ATG4C: variants seen among roughly 807,000 people sequenced by gnomAD.
ATG4C encodes the protein autophagy related 4C cysteine peptidase.
Under a neutral mutation model 57.6 loss-of-function variants are expected in ATG4C, and 56 were observed. The observed-to-expected ratio is 0.97, with a 90% CI of 0.78 to 1.21. ATG4C has a LOEUF of 1.21. Among genes scored for constraint, ATG4C ranks in the 50% most tolerant of loss-of-function variants. The pLI, the probability that ATG4C is intolerant of heterozygous loss-of-function variation, is 0.00. For synonymous variants in ATG4C, 157 were observed against 174.1 expected, an observed-to-expected ratio of 0.90 and a Z score of 0.78; for missense variants, 595 against 529.8, an observed-to-expected ratio of 1.12 and a Z score of -1.21.
At chr1:62,791,336 A>G (rs1012487738) in intron 1 of ATG4C, among the ~76,000 whole-genome samples, 20 of 152,240 alleles carry the variant, frequency 1.3e-4, no homozygotes, top group African/African-American at 4.6e-4. Flanking sequence ...TACTAGCTTC[A>G]GTAATATGGA....
chr1:62,824,456 C>T (rs752307348), intron 6 of ATG4C, among the ~76,000 whole-genome samples: 1 of 152,096 alleles, frequency 6.6e-6, no homozygotes, highest in African/African-American at 2.4e-5. Flanking sequence ...ATTTCCTATT[C>T]GGCTCTTCTG....
chr1:62,812,460 T>C (rs989555240), intron 3 of ATG4C, among the ~76,000 whole-genome samples: 4 of 152,184 alleles, frequency 2.6e-5, no homozygotes, highest in Non-Finnish European at 5.9e-5. Flanking sequence ...TAGGTATTGA[T>C]GGAATGTATC....
intron 10 of ATG4C, among the ~76,000 whole-genome samples, chr1:62,850,335 C>T (rs1666466332): frequency 6.6e-6 from 1 of 152,058 alleles, no homozygotes; most frequent in East Asian, 1.9e-4. Flanking sequence ...GCGGTAGCTC[C>T]CTAACTGATC....
intron 10 of ATG4C, among the ~76,000 whole-genome samples, chr1:62,845,122 T>G (rs957097450): frequency 6.6e-5 from 10 of 152,060 alleles, no homozygotes. Flanking sequence ...TTAGATATAC[T>G]AGATACATTA....
intron 10 of ATG4C, among the ~76,000 whole-genome samples, chr1:62,856,353 A>G (rs1019334330): frequency 6.6e-6 from 1 of 152,210 alleles, no homozygotes; most frequent in African/African-American, 2.4e-5. Context: ...TTGGGGAGAC[A>G]TGAAATGGAG....
At chr1:62,855,452 C>T (rs1452233351) in intron 10 of ATG4C, among the ~76,000 whole-genome samples, 1 of 151,820 alleles carries the variant, frequency 6.6e-6, no homozygotes, top group African/African-American at 2.4e-5. Flanking sequence ...AAACTTATTA[C>T]CTAGTAGCGC....
Position 62,833,815 on chromosome 1 carries a change from G to A in ATG4C, c.934-223G>A, listed in dbSNP as rs527869684. ...GTTGTTTAATGTTGTTGAGCAACACGCTGATCAAAATATTTGATTTGTCAT... is the reference window on the plus strand; with the variant it reads ...GTTGTTTAATGTTGTTGAGCAACACACTGATCAAAATATTTGATTTGTCAT... On this transcript the variant is annotated intron_variant, in intron 7 of 10. Coordinates refer to ENST00000317868, the MANE Select transcript of ATG4C (RefSeq NM_032852.4). 1.1e-4 allele frequency among the ~76,000 whole-genome samples: 16 copies of A among 152,170 alleles called. No individual in the cohort carries two copies. In the South Asian group the frequency reaches 2.7e-3, roughly 26 times the overall value.
rs550513462 is a variant in ATG4C at position 62,864,329 on chromosome 1, G to T, written c.*170G>T. On this transcript the variant is annotated 3_prime_UTR_variant, in exon 11 of 11. Transcript: ENST00000317868. The stretch of plus-strand genomic sequence containing the variant: ...AAAGATATTTTTCTAAAAGAGAAAT[G>T]ATTTAATGAATCTTGCTTTCTAATA... 3.5e-4 allele frequency: 185 copies of T among 532,436 alleles called. 2 individuals carry two copies. Among genetic ancestry groups the T allele is most frequent in the Middle Eastern group, 5.6e-4 (1 of 1,782 alleles). 33.0% of individuals were successfully genotyped at this position (532,436 alleles called of 1,614,324 possible). A position where few individuals can be genotyped will look rare whatever the true frequency, so the allele number is the denominator to read the frequency against.
At chr1:62,815,161 T>G (rs1205638254) in intron 3 of ATG4C, among the ~76,000 whole-genome samples, 1 of 151,112 alleles carries the variant, frequency 6.6e-6, no homozygotes, top group Non-Finnish European at 1.5e-5. Flanking sequence ...ATGTCATTAT[T>G]TGCTTTCTAT....
At chr1:62,805,850 G>C (rs1664860132) in intron 3 of ATG4C, among the ~76,000 whole-genome samples, 1 of 152,022 alleles carries the variant, frequency 6.6e-6, no homozygotes, top group South Asian at 2.1e-4. Flanking sequence ...AAGTCACATG[G>C]GTATTAAATG....
intron 10 of ATG4C, among the ~76,000 whole-genome samples, chr1:62,861,271 C>T (rs368057483): frequency 3.2e-4 from 48 of 151,936 alleles, no homozygotes; most frequent in African/African-American, 8.9e-4. Flanking sequence ...ATAGGCTGGC[C>T]GTGGTGACTC....
At chr1:62,805,100 A>G in intron 2 of ATG4C, 72 bp from the exon 3 acceptor site, 1 of 1,446,884 alleles carries the variant, frequency 6.9e-7, no homozygotes. Flanking sequence ...ATAAAAGAAA[A>G]CGCTGCTAGA....
In ATG4C at chr1:62,803,821, TA is replaced by T; in HGVS notation, c.40del (p.Thr14ProfsTer10). The T allele has an allele frequency of 6.2e-7, 1 of 1,606,394 alleles. No individual in the cohort carries two copies. Among genetic ancestry groups the T allele is most frequent in the Non-Finnish European group, 8.5e-7 (1 of 1,176,112 alleles). ...ACAGGAACAGATGAAGTTGACAAGC[TA>T]AAAACCAAATTTATATCTGCTTGGA... ...EATGTDEVDKLKTKFISAWNN... is the reference protein window; with the variant it reads ...EATGTDEVDKXKTKFISAWNN... On this transcript the variant is annotated frameshift_variant, in exon 2 of 11. Coordinates refer to ENST00000317868, the MANE Select transcript of ATG4C (RefSeq NM_032852.4). LOFTEE classifies it high-confidence loss of function.
In ATG4C at chr1:62,844,779, A is replaced by G. The variant is rs1023680031; in HGVS notation, c.1209+3232A>G. ...ACCCATACTTTATATATCCATAAAC[A>G]ACACATATTATCTTACATTTATTAA... On this transcript the variant is annotated intron_variant, in intron 10 of 10. Coordinates refer to ENST00000317868, the MANE Select transcript of ATG4C (RefSeq NM_032852.4). Among the ~76,000 whole-genome samples, 4 of 152,142 alleles carry G rather than the reference A, an allele frequency of 2.6e-5. No individual in the cohort carries two copies. The South Asian group carries it at 8.3e-4, about 32-fold the overall frequency.
rs1665160867 is a variant in ATG4C, at chr1:62,813,508, C to T, written c.161-3067C>T. On this transcript the variant is annotated intron_variant, in intron 3 of 10. Coordinates refer to ENST00000317868, the MANE Select transcript of ATG4C (RefSeq NM_032852.4). ...AACCATGAAAACCCTAGAAGAAAAC[C>T]TAGGCAATACCATTCAGGACATAGG... Among the ~76,000 whole-genome samples, 5 of 152,218 alleles carry T rather than the reference C, an allele frequency of 3.3e-5. No homozygotes were observed. In the South Asian group the frequency reaches 1.0e-3, roughly 32 times the overall value.
intron 6 of ATG4C, among the ~76,000 whole-genome samples, chr1:62,825,743 C>T (rs1665628813): frequency 6.6e-6 from 1 of 152,204 alleles, no homozygotes; most frequent in Non-Finnish European, 1.5e-5. Context: ...TCCCAATTCT[C>T]CCTCCTATAT....
chr1:62,792,888 G>T (rs1190334532), intron 1 of ATG4C, among the ~76,000 whole-genome samples: 2 of 89,954 alleles, frequency 2.2e-5, no homozygotes, highest in Non-Finnish European at 4.1e-5. Context: ...GGGTGGTAGT[G>T]ATTTTTTTTT....
chr1:62,845,097 TTAAG>T (rs537137774), intron 10 of ATG4C, among the ~76,000 whole-genome samples: 1 of 152,020 alleles, frequency 6.6e-6, no homozygotes, highest in Admixed American at 6.6e-5. Context: ...ATATAATACT[TTAAG>T]TAGGGTTACA....
chr1:62,842,545 A>G (rs945425200), intron 10 of ATG4C, among the ~76,000 whole-genome samples: 3 of 152,028 alleles, frequency 2.0e-5, no homozygotes, highest in African/African-American at 7.2e-5. Flanking sequence ...AGAATTCTTC[A>G]CTGGAACTTA....
Sources: gnomAD v4.1 joint callset for allele counts (sites outside exome capture counted in the v4.1 genomes callset) on GRCh38, gnomAD v4.1.1 for gene constraint, MANE v1.5 for transcripts, NCBI Gene and HGNC (gene_info 2026-07-23, HGNC 2026-07-21) for gene names.